NOX4: variants seen among roughly 807,000 people sequenced by gnomAD.
NOX4 encodes the protein kidney oxidase-1.
In NOX4, 69 loss-of-function variants were observed where a neutral mutation model predicts 87.6. The observed-to-expected ratio is 0.79, with a 90% CI of 0.65 to 0.96. NOX4 has a LOEUF of 0.96. Among genes scored for constraint, NOX4 ranks in the 40% least tolerant of loss-of-function variants. NOX4 has a pLI of 0.00. For missense variants in NOX4, 680 were observed against 681.5 expected, an observed-to-expected ratio of 1.00 and a Z score of 0.02; for synonymous variants, 275 against 238.2, an observed-to-expected ratio of 1.15 and a Z score of -1.42.
chr11:89,373,612 G>T (rs1369634761), intron 11 of NOX4, 120 bp from the exon 12 acceptor site: 6 of 663,148 alleles, frequency 9.0e-6, no homozygotes, highest in Non-Finnish European at 1.6e-5. Context: ...GGAAGGAACA[G>T]ACTAAAATCT....
At chr11:89,371,186 C>T (rs1364175111) in intron 12 of NOX4, among the ~76,000 whole-genome samples, 1 of 151,936 alleles carries the variant, frequency 6.6e-6, no homozygotes, top group Non-Finnish European at 1.5e-5. Flanking sequence ...AGCTAAATCT[C>T]TTTGAACTAA....
intron 6 of NOX4, among the ~76,000 whole-genome samples, chr11:89,439,342 T>G (rs1944358439): frequency 6.6e-6 from 1 of 152,120 alleles, no homozygotes; most frequent in South Asian, 2.1e-4. Context: ...ATGTTTTCAA[T>G]GAGCAAAGTT....
At chr11:89,584,818 T>A in the NOX4 span, among the ~76,000 whole-genome samples, 1 of 152,116 alleles carries the variant, frequency 6.6e-6, no homozygotes, top group Non-Finnish European at 1.5e-5. Context: ...TATTTCTGCA[T>A]GTAGAGAGAG....
rs1565242654 is a variant in NOX4 at position 89,401,999 on chromosome 11, TA to T, written c.846+326del. 3.9e-5 allele frequency among the ~76,000 whole-genome samples: 6 copies of T among 152,022 alleles called. No homozygotes were observed. The South Asian group carries it at 6.2e-4, about 16-fold the overall frequency. ...TTGTGGTATTGGTGGTAGGTTTTTTTAACTACTATTTTTATTATTCAATCAG... is the reference window on the plus strand; with the variant it reads ...TTGTGGTATTGGTGGTAGGTTTTTTTACTACTATTTTTATTATTCAATCAG... On this transcript the variant is annotated intron_variant, in intron 9 of 17. Coordinates refer to ENST00000263317, the MANE Select transcript of NOX4 (RefSeq NM_016931.5).
intron 6 of NOX4, among the ~76,000 whole-genome samples, chr11:89,439,046 C>T (rs1944341738): frequency 8.1e-6 from 1 of 123,950 alleles, no homozygotes; most frequent in South Asian, 2.4e-4. Context: ...AGTAACAATA[C>T]TAATAATAAT....
chr11:89,431,613 C>T (rs551592129), intron 7 of NOX4, among the ~76,000 whole-genome samples: 1 of 152,178 alleles, frequency 6.6e-6, no homozygotes, highest in Non-Finnish European at 1.5e-5. Flanking sequence ...CTCATCATCA[C>T]TGGCCATCAG....
At position 89,490,518 on chromosome 11, in the gene NOX4, C is replaced by A. The variant is rs1946806794; in HGVS notation, c.93G>T (p.Trp31Cys). 1.2e-6 allele frequency: 2 copies of A among 1,613,984 alleles called. No homozygotes were observed. Among genetic ancestry groups the A allele is most frequent in the Middle Eastern group, 1.6e-4 (1 of 6,062 alleles). ...IWLSMNVLLF[W>C]KTFLLYNQGP... The stretch of plus-strand genomic sequence containing the variant: ...CTTGGTTATACAGCAAGAAGGTTTT[C>A]CAGAAAAGCAGGACATTCATGGAGA... Residue 31 changes from tryptophan to cysteine, a missense_variant, in exon 2 of 18, where the codon TGG (tryptophan) becomes TGT (cysteine). Coordinates refer to ENST00000263317, the MANE Select transcript of NOX4 (RefSeq NM_016931.5).
At chr11:89,358,427 G>C (rs1038304633) in intron 12 of NOX4, among the ~76,000 whole-genome samples, 5 of 147,244 alleles carry the variant, frequency 3.4e-5, no homozygotes, top group African/African-American at 9.9e-5. Context: ...GAAAAGAAAG[G>C]GTTCATATAT....
the NOX4 span, chr11:89,577,449 A>C: frequency 6.6e-6 from 1 of 152,230 alleles, no homozygotes; most frequent in Non-Finnish European, 1.5e-5. Context: ...AAGGAAATCC[A>C]AACAAGAGTT....
At chr11:89,455,104 T>A (rs532384621) in intron 2 of NOX4, among the ~76,000 whole-genome samples, 92 of 152,260 alleles carry the variant, frequency 6.0e-4, no homozygotes, top group South Asian at 1.4e-3. Context: ...AGTATGTTAG[T>A]TAAACACAGG....
chr11:89,404,606 T>A (rs746213762), intron 8 of NOX4, among the ~76,000 whole-genome samples: 1 of 152,172 alleles, frequency 6.6e-6, no homozygotes, highest in Non-Finnish European at 1.5e-5. Flanking sequence ...ATTATTCCCA[T>A]TTTAAAATTT....
chr11:89,439,211 G>A (rs1300619115), intron 6 of NOX4, among the ~76,000 whole-genome samples: 1 of 150,428 alleles, frequency 6.6e-6, no homozygotes, highest in Non-Finnish European at 1.5e-5. Flanking sequence ...ATTAAACAAA[G>A]CTTTTGTTTC....
intron 7 of NOX4, among the ~76,000 whole-genome samples, chr11:89,430,810 C>T (rs537785659): frequency 1.3e-5 from 2 of 152,288 alleles, no homozygotes; most frequent in African/African-American, 2.4e-5. Flanking sequence ...GTTGCATCCT[C>T]ATCAAGCTAC....
intron 2 of NOX4, among the ~76,000 whole-genome samples, chr11:89,475,819 C>T (rs1374932222): frequency 6.6e-6 from 1 of 151,928 alleles, no homozygotes; most frequent in African/African-American, 2.4e-5. Context: ...GACAAAAATT[C>T]CTGACCCTTT....
At chr11:89,415,863 C>T (rs541831131) in intron 8 of NOX4, among the ~76,000 whole-genome samples, 16 of 152,224 alleles carry the variant, frequency 1.1e-4, no homozygotes, top group African/African-American at 3.4e-4. Flanking sequence ...CTGTCATGAA[C>T]AACCAAATCC....
intron 4 of NOX4, among the ~76,000 whole-genome samples, chr11:89,448,680 G>A (rs551042300): frequency 6.6e-6 from 1 of 152,032 alleles, no homozygotes; most frequent in South Asian, 2.1e-4. Context: ...TCAGAAGTTC[G>A]AGATCAGCCT....
intron 9 of NOX4, among the ~76,000 whole-genome samples, chr11:89,400,782 T>C (rs1490278614): frequency 6.6e-6 from 1 of 151,624 alleles, no homozygotes; most frequent in African/African-American, 2.4e-5. Flanking sequence ...CTAATGTTTA[T>C]TAAATAAGAA....
chr11:89,343,115 T>C (rs1373619845), intron 13 of NOX4, among the ~76,000 whole-genome samples: 1 of 152,156 alleles, frequency 6.6e-6, no homozygotes, highest in East Asian at 1.9e-4. Context: ...TTTGGTGTTT[T>C]GAAATAACTT....
Position 89,343,689 on chromosome 11 carries a change from T to C in NOX4, c.1218-1496A>G, listed in dbSNP as rs372473524. Among the ~76,000 whole-genome samples the C allele has an allele frequency of 3.8e-4, 58 of 152,302 alleles. 1 individual carries two copies. Among genetic ancestry groups the C allele is most frequent in the African/African-American group, 1.4e-3 (58 of 41,578 alleles). Reference sequence around the variant, plus strand: ...TTTCTCCCTATCATAGTACATGTTCTTTAAAAGAATGTTATGTTGCTATTA... The same window carrying C: ...TTTCTCCCTATCATAGTACATGTTCCTTAAAAGAATGTTATGTTGCTATTA... On this transcript the variant is annotated intron_variant, in intron 13 of 17. Coordinates refer to ENST00000263317, the MANE Select transcript of NOX4 (RefSeq NM_016931.5).
Sources: allele counts gnomAD v4.1 joint callset (sites outside exome capture counted in the v4.1 genomes callset), GRCh38; gene constraint gnomAD v4.1.1; transcripts MANE v1.5; gene names NCBI Gene and HGNC (gene_info 2026-07-23, HGNC 2026-07-21).